The following GALNTL6 variants were observed in gnomAD, a reference collection of about 807,000 sequenced individuals.
GALNTL6 encodes the protein polypeptide N-acetylgalactosaminyltransferase-like 6.
In GALNTL6, 46 loss-of-function variants were observed where a neutral mutation model predicts 73.7. The observed-to-expected ratio is 0.62, with a 90% confidence interval of 0.49 to 0.80. The LOEUF (loss-of-function observed/expected upper bound fraction) is 0.80, where lower values mean the gene tolerates loss of function less well. GALNTL6 is among the 30% of genes least tolerant of loss of function. The probability of loss-of-function intolerance (pLI) is 0.00; values close to 1 mark genes in which losing one functional copy is unlikely to be tolerated. For missense variants in GALNTL6, 604 were observed against 755.0 expected (o/e 0.80, Z 2.34); for synonymous variants, 259 against 263.7 (o/e 0.98, Z 0.17).
intron 10 of GALNTL6, among the ~76,000 whole-genome samples, chr4:172,960,603 CAG>C (rs1006719863): frequency 1.3e-5 from 2 of 151,082 alleles, no homozygotes; most frequent in African/African-American, 4.9e-5. Context: ...GCATTGGGAA[CAG>C]AGACTAGGGA....
intron 5 of GALNTL6, among the ~76,000 whole-genome samples, chr4:172,402,359 A>G (rs1223128364): frequency 2.6e-5 from 4 of 152,086 alleles, no homozygotes; most frequent in Non-Finnish European, 5.9e-5. Context: ...TAAACCTGTC[A>G]TTTTAAAAGA....
chr4:172,382,261 G>C (rs539378069), intron 5 of GALNTL6, among the ~76,000 whole-genome samples: 1 of 151,230 alleles, frequency 6.6e-6, no homozygotes, highest in Admixed American at 6.6e-5. Context: ...GAGCCACCAC[G>C]CCCAGCCAAT....
intron 3 of GALNTL6, among the ~76,000 whole-genome samples, chr4:172,294,995 CT>C (rs1739615780): frequency 6.6e-6 from 1 of 151,978 alleles, no homozygotes; most frequent in South Asian, 2.1e-4. Flanking sequence ...TTTATGTTAT[CT>C]TTTTAAAATA....
chr4:172,627,270 A>G (rs1168710917), intron 5 of GALNTL6, among the ~76,000 whole-genome samples: 1 of 152,006 alleles, frequency 6.6e-6, no homozygotes, highest in Non-Finnish European at 1.5e-5. Flanking sequence ...TTTTGTTTTT[A>G]ATTCTCTTTA....
chr4:172,464,390 A>G (rs1311984530), intron 5 of GALNTL6, among the ~76,000 whole-genome samples: 1 of 152,128 alleles, frequency 6.6e-6, no homozygotes, highest in Admixed American at 6.5e-5. Context: ...ATAAAGACCT[A>G]GAAATTTTAA....
intron 2 of GALNTL6, among the ~76,000 whole-genome samples, chr4:171,868,793 T>A (rs1483122517): frequency 6.6e-6 from 1 of 152,158 alleles, no homozygotes; most frequent in Non-Finnish European, 1.5e-5. Context: ...GCGATTCTCC[T>A]GCTTCAGCCT....
chr4:172,820,350 TTA>T (rs1741854225), intron 7 of GALNTL6, among the ~76,000 whole-genome samples: 1 of 152,358 alleles, frequency 6.6e-6, no homozygotes, highest in South Asian at 2.1e-4. Flanking sequence ...CCCACTTGGG[TTA>T]AATTTCATTG....
chr4:171,963,745 C>T (rs189144), intron 2 of GALNTL6, among the ~76,000 whole-genome samples: 59,849 of 151,860 alleles, frequency 0.39, 12,476 homozygotes, highest in Middle Eastern at 0.55. Flanking sequence ...ATTAACATAA[C>T]GACATTACAA....
At chr4:171,823,706 G>T (rs144839553) in intron 2 of GALNTL6, among the ~76,000 whole-genome samples, 1 of 151,518 alleles carries the variant, frequency 6.6e-6, no homozygotes, top group Non-Finnish European at 1.5e-5. Flanking sequence ...ACTGAAAGGA[G>T]ATGTCAGGAA....
intron 5 of GALNTL6, among the ~76,000 whole-genome samples, chr4:172,628,701 G>A (rs1739265695): frequency 1.3e-5 from 2 of 151,964 alleles, no homozygotes; most frequent in Non-Finnish European, 2.9e-5. Flanking sequence ...ATTATTCAAG[G>A]GCTCACAATT....
chr4:172,029,603 A>G lies in GALNTL6; in HGVS notation c.139-200053A>G, dbSNP rs144089010. 7.3e-3 allele frequency among the ~76,000 whole-genome samples: 1,115 copies of G among 152,196 alleles called. 14 individuals are homozygous for G. The highest frequency in any genetic ancestry group is 0.026 in the African/African-American group (1,065 of 41,548). On this transcript the variant is annotated intron_variant, in intron 2 of 12. Transcript: ENST00000506823. The stretch of plus-strand genomic sequence containing the variant: ...AGTATTTCCTCATTTCTCTAAATGG[A>G]ACTAAATAGTACATCACTGTTCAAA...
chr4:172,678,420 A>G (rs1368723289), intron 5 of GALNTL6, among the ~76,000 whole-genome samples: 1 of 150,428 alleles, frequency 6.6e-6, no homozygotes, highest in African/African-American at 2.5e-5. Context: ...ATCTCGGCTC[A>G]CCGCAACCTC....
intron 5 of GALNTL6, among the ~76,000 whole-genome samples, chr4:172,702,559 C>A (rs760351218): frequency 2.6e-5 from 4 of 151,352 alleles, no homozygotes; most frequent in Admixed American, 6.6e-5. Context: ...TGGGGCGGGA[C>A]CTTTGGGAAG....
intron 2 of GALNTL6, among the ~76,000 whole-genome samples, chr4:172,081,909 C>G (rs1731892543): frequency 6.7e-6 from 1 of 150,350 alleles, no homozygotes. Context: ...CAGAGTCTCG[C>G]TCTGTCACTG....
At chr4:171,818,751 T>C (rs1049102180) in intron 2 of GALNTL6, among the ~76,000 whole-genome samples, 8 of 151,996 alleles carry the variant, frequency 5.3e-5, no homozygotes, top group African/African-American at 1.9e-4. Flanking sequence ...TGTGGGGTAA[T>C]GCATTGTTTC....
intron 2 of GALNTL6, among the ~76,000 whole-genome samples, chr4:172,075,783 G>C (rs1196994846): frequency 6.6e-6 from 1 of 152,188 alleles, no homozygotes; most frequent in Non-Finnish European, 1.5e-5. Context: ...GAGAGAGAGA[G>C]AGAGAGCGAT....
chr4:172,389,058 A>G (rs1219433381), intron 5 of GALNTL6, among the ~76,000 whole-genome samples: 1 of 152,026 alleles, frequency 6.6e-6, no homozygotes, highest in Non-Finnish European at 1.5e-5. Flanking sequence ...TGTATGCTAT[A>G]TGATTATATT....
At chr4:172,093,108 G>A (rs925672515) in intron 2 of GALNTL6, among the ~76,000 whole-genome samples, 3 of 151,984 alleles carry the variant, frequency 2.0e-5, no homozygotes, top group South Asian at 2.1e-4. Context: ...TCCTGACCTC[G>A]TGATCCGCCC....
chr4:172,686,364 A>C (rs1482618403), intron 5 of GALNTL6, among the ~76,000 whole-genome samples: 1 of 152,088 alleles, frequency 6.6e-6, no homozygotes. Flanking sequence ...CTAGGTCCCC[A>C]AGTGATTCAT....
Sources: allele counts gnomAD v4.1 joint callset (sites outside exome capture counted in the v4.1 genomes callset), GRCh38; gene constraint gnomAD v4.1.1; transcripts MANE v1.5; gene names NCBI Gene and HGNC (gene_info 2026-07-23, HGNC 2026-07-21).